Variants in CARNS1 observed in about 807,000 individuals in gnomAD.
The protein encoded by CARNS1 is ATP-grasp domain containing 1.
In CARNS1, 61 loss-of-function variants were observed where a neutral mutation model predicts 74.0. The observed-to-expected ratio is 0.82, with a 90% CI of 0.67 to 1.02. The LOEUF is 1.02. Ranked by LOEUF, CARNS1 falls within the 50% of genes least tolerant of loss-of-function variation. The pLI is 0.00. For synonymous variants in CARNS1, 568 were observed against 605.5 expected, an observed-to-expected ratio of 0.94 and a Z score of 0.91; for missense variants, 1,278 against 1,308.4, an observed-to-expected ratio of 0.98 and a Z score of 0.36.
At chr11:67,419,716 C>T (rs777212446) in intron 6 of CARNS1, 37 bp from the exon 7 acceptor site, 1 of 1,592,626 alleles carries the variant, frequency 6.3e-7, no homozygotes, top group Non-Finnish European at 8.5e-7. Flanking sequence ...CTTCTGGCCA[C>T]TCTGTGCTGG....
rs1208827393 is a variant in CARNS1 at position 67,419,528 on chromosome 11, G to C, written c.894G>C (p.Gln298His). Residue 298 changes from glutamine (Q) to histidine (H), a missense_variant, in exon 6 of 10, where the codon CAG becomes CAC. Physicochemically the swap from Gln to His is conservative, Grantham distance 24 (BLOSUM62 0). Around this residue, in one of 3 missense-constraint regions of CARNS1, gnomAD observed 1,164 missense variants for 1,156.5 expected, o/e 1.01. Coordinates refer to ENST00000687366, the MANE Select transcript of CARNS1 (RefSeq NM_001166222.2). ...KLSGWRWRGR[Q>H]AWRLHPRAEL... Reference sequence around the variant, plus strand: ...GTGGCTGGCGCTGGCGGGGGCGGCAGGCATGGCGTCTGCACCCGCGGGCAG... The same window carrying C: ...GTGGCTGGCGCTGGCGGGGGCGGCACGCATGGCGTCTGCACCCGCGGGCAG... The C allele has an allele frequency of 6.2e-7, 1 of 1,609,562 alleles. No homozygotes were observed. The highest frequency in any genetic ancestry group is 1.3e-5 in the African/African-American group (1 of 74,904).
In CARNS1 at chr11:67,419,601, G is replaced by A. The variant is rs370760192; in HGVS notation, c.967G>A (p.Glu323Lys). The A allele has an allele frequency of 1.0e-4, 164 of 1,600,512 alleles. No individual in the cohort carries two copies. Among genetic ancestry groups the A allele is most frequent in the Non-Finnish European group, 1.3e-4 (157 of 1,174,418 alleles). The change falls in exon 6 of 10, where the codon GAG becomes AAG. Residue 323 changes from glutamate to lysine, a missense_variant. Around this residue, in one of 3 missense-constraint regions of CARNS1, gnomAD observed 1,164 missense variants for 1,156.5 expected, o/e 1.01. Transcript: ENST00000687366. ...DTVLALLEKLEEEESVLVEAV... is the reference protein window; with the variant it reads ...DTVLALLEKLKEEESVLVEAV... ...AGTGCTGGCGCTGCTGGAGAAGCTG[G>A]AGGAGGAGGAGAGTGTCCTGGTGGA...
rs1466951386 is a variant in CARNS1, at chr11:67,420,589, C to T, written c.1114-20C>T. On this transcript the variant is annotated intron_variant, in intron 7 of 9. Transcript: ENST00000687366. ...GGGCAGGGAGTGTGTGGGCCTCCCCCTGAGTCTCCCCCTGCCCAGGTGGTG... is the reference window on the plus strand; with the variant it reads ...GGGCAGGGAGTGTGTGGGCCTCCCCTTGAGTCTCCCCCTGCCCAGGTGGTG... The T allele has an allele frequency of 3.0e-5, 37 of 1,232,028 alleles. No individual in the cohort carries two copies. Among genetic ancestry groups the T allele is most frequent in the Admixed American group, 4.2e-5 (1 of 23,722 alleles). The allele number at this position is 1,232,028 out of a possible 1,614,324, so 76.3% of individuals were successfully genotyped here.
At chr11:67,416,613 A>G in intron 2 of CARNS1, 2 of 1,026,756 alleles carry the variant, frequency 1.9e-6, no homozygotes, top group Non-Finnish European at 2.3e-6. Context: ...AACAAGGTCC[A>G]AAGAGACCTC....
chr11:67,417,104 C>T, intron 2 of CARNS1: 20 of 1,146,720 alleles, frequency 1.7e-5, no homozygotes, highest in Non-Finnish European at 2.0e-5. Context: ...GAAAACTCTG[C>T]TGCTGTGAAG....
chr11:67,423,393 G>C lies in CARNS1; in HGVS notation c.1645G>C (p.Asp549His), dbSNP rs753878896. ...YGLQLHLVES[D>H]PNHFASQLVQ... ...TCTGCAGCTGCACCTCGTGGAGTCA[G>C]ACCCCAACCACTTTGCATCCCAGTT... The change falls in exon 10 of 10, where the codon GAC (aspartate) becomes CAC (histidine). Residue 549 changes from aspartate to histidine, a missense_variant. This residue lies in a region of CARNS1 where 1,164 missense variants were observed against 1,156.5 expected (regional missense o/e 1.01). Transcript: ENST00000687366. The surrounding 1 kb of genome is among the most constrained non-coding windows in gnomAD (Gnocchi z 5.1). 1.2e-6 allele frequency: 2 copies of C among 1,606,808 alleles called. No individual in the cohort carries two copies. Among genetic ancestry groups the C allele is most frequent in the Non-Finnish European group, 1.7e-6 (2 of 1,174,600 alleles).
In CARNS1 at chr11:67,423,532, C is replaced by G. The variant is rs574151494; in HGVS notation, c.1784C>G (p.Ser595Cys). Residue 595 changes from serine (S) to cysteine (C), a missense_variant, in exon 10 of 10, where the codon TCC (serine) becomes TGC (cysteine). Ser to Cys is a moderately radical substitution (Grantham distance 112). Coordinates refer to ENST00000687366, the MANE Select transcript of CARNS1 (RefSeq NM_001166222.2). This position sits in a 1 kb window ranked among gnomAD's most constrained non-coding sequence, Gnocchi z 5.1. ...GGCCTCAAGCTAGATGGCTGCTTCT[C>G]CTACTGGGATGACTGCCTGGTGCTC... ...ARGLKLDGCF[S>C]YWDDCLVLTA... is the part of the protein sequence containing the mutation. The G allele has an allele frequency of 1.2e-6, 2 of 1,613,390 alleles. No homozygotes were observed. Among genetic ancestry groups the G allele is most frequent in the East Asian group, 2.2e-5 (1 of 44,856 alleles).
intron 9 of CARNS1, among the ~76,000 whole-genome samples, chr11:67,421,433 T>C (rs1343404392): frequency 6.6e-6 from 1 of 152,266 alleles, no homozygotes; most frequent in East Asian, 1.9e-4. Context: ...ACTCCGCTAG[T>C]TCTGGAGTGA....
chr11:67,423,471 A>T lies in CARNS1; in HGVS notation c.1723A>T (p.Asn575Tyr). Residue 575 changes from asparagine to tyrosine, a missense_variant, in exon 10 of 10, where the codon AAC (asparagine) becomes TAC (tyrosine). By Grantham distance (143) the Asn-to-Tyr change is moderately radical (BLOSUM62 -2). Coordinates refer to ENST00000687366, the MANE Select transcript of CARNS1 (RefSeq NM_001166222.2). The surrounding 1 kb of genome is among the most constrained non-coding windows in gnomAD (Gnocchi z 5.1). ...GACAGAGCACCGGAGGGATGAGGAG[A>T]ACGCACGGCTGCTGGCAGAGTTGGT... ...DMTEHRRDEENARLLAELVRA... is the reference protein window; with the variant it reads ...DMTEHRRDEEYARLLAELVRA... 4 of 1,614,040 alleles carry T rather than the reference A, an allele frequency of 2.5e-6. No homozygotes were observed. The highest frequency in any genetic ancestry group is 3.4e-6 in the Non-Finnish European group (4 of 1,179,898).
At chr11:67,418,395 G>A (rs747921192) in intron 3 of CARNS1, 36 bp from the exon 4 acceptor site, 24 of 1,400,140 alleles carry the variant, frequency 1.7e-5, no homozygotes, top group Admixed American at 9.4e-5. Flanking sequence ...CAGCAAGGGC[G>A]CCCCTGGTGA....
At chr11:67,421,365 C>A (rs913871572) in intron 9 of CARNS1, 146 bp downstream of exon 9, 19 of 974,558 alleles carry the variant, frequency 1.9e-5, no homozygotes, top group Non-Finnish European at 2.5e-5. Context: ...GCATCCTGGC[C>A]AGGTACAAGT....
At chr11:67,418,368 G>A (rs1863602356) in intron 3 of CARNS1, 63 bp from the exon 4 acceptor site, 2 of 1,230,496 alleles carry the variant, frequency 1.6e-6, no homozygotes, top group Non-Finnish European at 2.2e-6. Flanking sequence ...GGAGGTGGTG[G>A]AAGGTGGGCA....
Position 67,418,930 on chromosome 11 carries a change from G to A in CARNS1, c.539G>A (p.Gly180Asp), listed in dbSNP as rs749664043. Reference protein sequence around the residue: ...RRATYFLAGLGLGPGRGREAA... With the variant: ...RRATYFLAGLDLGPGRGREAA... ...GCCACCTACTTTTTGGCAGGCCTGG[G>A]CCTGGGGCCTGGCCGGGGCCGAGAG... is the stretch of plus-strand genomic sequence containing the variant. Residue 180 changes from glycine to aspartate, a missense_variant, in exon 5 of 10, where the codon GGC (glycine) becomes GAC (aspartate). Physicochemically the swap from Gly to Asp is moderately conservative, Grantham distance 94 (BLOSUM62 -1). Transcript: ENST00000687366. 1.9e-6 allele frequency: 3 copies of A among 1,582,738 alleles called. No homozygotes were observed. Among genetic ancestry groups the A allele is most frequent in the South Asian group, 1.1e-5 (1 of 87,240 alleles).
At position 67,424,833 on chromosome 11, in the gene CARNS1, C is replaced by A. The variant is rs887791856; in HGVS notation, c.*232C>A. Reference sequence around the variant, plus strand: ...CCAGTCCAGCCTACAGCTTCCCCAGCATTCTAGCCTTGGAGAAATGACAAT... The same window carrying A: ...CCAGTCCAGCCTACAGCTTCCCCAGAATTCTAGCCTTGGAGAAATGACAAT... On this transcript the variant is annotated 3_prime_UTR_variant, in exon 10 of 10. Coordinates refer to ENST00000687366, the MANE Select transcript of CARNS1 (RefSeq NM_001166222.2). 1 of 627,894 alleles carries A rather than the reference C, an allele frequency of 1.6e-6. No homozygotes were observed. The highest frequency in any genetic ancestry group is 2.9e-6 in the Non-Finnish European group (1 of 348,528). The allele number at this position is 627,894 out of a possible 1,614,324, so 38.9% of individuals were successfully genotyped here. A position where few individuals can be genotyped will look rare whatever the true frequency, so the allele number is the denominator to read the frequency against.
In CARNS1 at chr11:67,416,071, G is replaced by A. The variant is rs1863538258; in HGVS notation, c.-24-105G>A. 4.1e-5 allele frequency: 30 copies of A among 734,880 alleles called. No homozygotes were observed. In the South Asian group the frequency reaches 4.4e-4, roughly 11 times the overall value. The allele number at this position is 734,880 out of a possible 1,614,324, so 45.5% of individuals were successfully genotyped here. A position where few individuals can be genotyped will look rare whatever the true frequency, so the allele number is the denominator to read the frequency against. Reference sequence around the variant, plus strand: ...CCTTGGCCTCTCTCTGCAGGGACAGGTGTCGGCCACCTCTCCACTCCCAAA... The same window carrying A: ...CCTTGGCCTCTCTCTGCAGGGACAGATGTCGGCCACCTCTCCACTCCCAAA... On this transcript the variant is annotated intron_variant, in intron 1 of 9. Coordinates refer to ENST00000687366, the MANE Select transcript of CARNS1 (RefSeq NM_001166222.2).
chr11:67,419,695 T>G (rs747395059), intron 6 of CARNS1, 34 bp downstream of exon 6: 1 of 1,588,088 alleles, frequency 6.3e-7, no homozygotes. Context: ...GGGATGGGAG[T>G]TTGGTGTGGC....
At position 67,423,263 on chromosome 11, in the gene CARNS1, C is replaced by A. The variant is rs994498958; in HGVS notation, c.1627-112C>A. On this transcript the variant is annotated intron_variant, in intron 9 of 9. Coordinates refer to ENST00000687366, the MANE Select transcript of CARNS1 (RefSeq NM_001166222.2). The surrounding 1 kb of genome is among the most constrained non-coding windows in gnomAD (Gnocchi z 5.1). The stretch of plus-strand genomic sequence containing the variant: ...ATCCACAACACACATTTATTGAGCA[C>A]CTAGTGTTTGTGTACTCGTATCCCC... The A allele has an allele frequency of 6.8e-6, 7 of 1,032,604 alleles. No homozygotes were observed. The highest frequency in any genetic ancestry group is 8.6e-6 in the Non-Finnish European group (6 of 701,272). 64.0% of individuals were successfully genotyped at this position (1,032,604 alleles called of 1,614,324 possible). A position where few individuals can be genotyped will look rare whatever the true frequency, so the allele number is the denominator to read the frequency against.
Position 67,424,861 on chromosome 11 carries a change from C to CCACACA in CARNS1, c.*286_*291dup, listed in dbSNP as rs59798232. 6,119 of 508,730 alleles carry CCACACA rather than the reference C, an allele frequency of 0.012. 205 individuals are homozygous for CCACACA. Among genetic ancestry groups the CCACACA allele is most frequent in the African/African-American group, 0.094 (4,485 of 47,636 alleles). The allele number at this position is 508,730 out of a possible 1,614,324, so 31.5% of individuals were successfully genotyped here. A position where few individuals can be genotyped will look rare whatever the true frequency, so the allele number is the denominator to read the frequency against. ...TCTAGCCTTGGAGAAATGACAATGGCCACACACACACACACACACACACAC... is the reference window on the plus strand; with the variant it reads ...TCTAGCCTTGGAGAAATGACAATGGCCACACACACACACACACACACACACACACAC... On this transcript the variant is annotated 3_prime_UTR_variant, in exon 10 of 10. Transcript: ENST00000687366.
At position 67,421,114 on chromosome 11, in the gene CARNS1, G is replaced by A; in HGVS notation, c.1521G>A (p.Arg507=). 2 of 1,459,194 alleles carry A rather than the reference G, an allele frequency of 1.4e-6. No individual in the cohort carries two copies. The highest frequency in any genetic ancestry group is 1.5e-5 in the African/African-American group (1 of 67,660). 90.4% of individuals were successfully genotyped at this position (1,459,194 alleles called of 1,614,324 possible). Residue 507 remains arginine, a synonymous_variant, in exon 9 of 10, where the codon CGG becomes CGA. Coordinates refer to ENST00000687366, the MANE Select transcript of CARNS1 (RefSeq NM_001166222.2). ...VAAPLVETML[R]RSARCLMEGK... is the part of the protein sequence containing the mutation. Reference sequence around the variant, plus strand: ...CGCCGCTGGTGGAGACCATGCTTCGGCGGTCGGCGCGCTGCCTCATGGAGG... The same window carrying A: ...CGCCGCTGGTGGAGACCATGCTTCGACGGTCGGCGCGCTGCCTCATGGAGG...
Sources: gnomAD v4.1 joint callset for allele counts (sites outside exome capture counted in the v4.1 genomes callset) on GRCh38, gnomAD v4.1.1 for gene constraint, gnomAD v4.1.1 regional missense constraint, Gnocchi (gnomAD v3.1) non-coding constraint, MANE v1.5 for transcripts, NCBI Gene and HGNC (gene_info 2026-07-23, HGNC 2026-07-21) for gene names.